The following AP3B1 variants were observed in gnomAD, a reference collection of about 807,000 sequenced individuals.
AP3B1 encodes the protein AP-3 complex subunit beta-1.
In AP3B1, 61 loss-of-function variants were observed where a neutral mutation model predicts 132.5. The ratio of observed to expected loss-of-function variants is 0.46; its 90% CI spans 0.37 to 0.57. The LOEUF (loss-of-function observed/expected upper bound fraction) is 0.57, where lower values mean the gene tolerates loss of function less well. AP3B1 is among the 20% of genes least tolerant of loss of function. The pLI, the probability that AP3B1 is intolerant of heterozygous loss-of-function variation, is 0.00. For missense variants in AP3B1, 1,120 were observed against 1,289.4 expected (o/e 0.87, Z 2.01); for synonymous variants, 388 against 438.3 (o/e 0.89, Z 1.43).
chr5:78,235,956 G>C (rs551049768), intron 3 of AP3B1, among the ~76,000 whole-genome samples: 6 of 152,306 alleles, frequency 3.9e-5, no homozygotes, highest in African/African-American at 1.4e-4. Context: ...TTGCACTTGA[G>C]AGGAGTGAAA....
chr5:78,036,492 G>C (rs573402721), intron 23 of AP3B1, among the ~76,000 whole-genome samples: 2 of 152,092 alleles, frequency 1.3e-5, no homozygotes, highest in Non-Finnish European at 2.9e-5. Context: ...CAGTTGTACA[G>C]TAACTGGTAA....
chr5:78,178,248 C>A (rs182201631), intron 8 of AP3B1, among the ~76,000 whole-genome samples: 329 of 152,274 alleles, frequency 2.2e-3, no homozygotes, highest in African/African-American at 7.3e-3. Flanking sequence ...ACAAATACAT[C>A]TACAGCAGTA....
intron 17 of AP3B1, among the ~76,000 whole-genome samples, chr5:78,124,894 C>G (rs1752395240): frequency 6.6e-6 from 1 of 152,124 alleles, no homozygotes; most frequent in African/African-American, 2.4e-5. Context: ...CTTCTATGCT[C>G]AAACGTGCAT....
intron 1 of AP3B1, among the ~76,000 whole-genome samples, chr5:78,281,134 T>C (rs1749031295): frequency 6.6e-6 from 1 of 152,154 alleles, no homozygotes; most frequent in Non-Finnish European, 1.5e-5. Flanking sequence ...AAGTATGCTA[T>C]CACTTAAAAA....
chr5:78,169,957 C>A (rs1743839405), intron 11 of AP3B1, among the ~76,000 whole-genome samples: 2 of 152,044 alleles, frequency 1.3e-5, no homozygotes, highest in Admixed American at 6.6e-5. Flanking sequence ...GGCCCTGTGT[C>A]CAAGTGTTCT....
Position 78,240,972 on chromosome 5 carries a change from CTA to C in AP3B1, c.205-38_205-37del, listed in dbSNP as rs756908545. On this transcript the variant is annotated intron_variant, in intron 2 of 26. Transcript: ENST00000255194. Reference sequence around the variant, plus strand: ...AACAAAACAGACAATATGGGAAATTCTATATATATTAAATATTTAGAAGATTA... The same window carrying C: ...AACAAAACAGACAATATGGGAAATTCTATATATTAAATATTTAGAAGATTA... The C allele has an allele frequency of 7.2e-6, 10 of 1,392,226 alleles. No homozygotes were observed. The Middle Eastern group carries it at 7.5e-4, about 104-fold the overall frequency. 86.2% of individuals were successfully genotyped at this position (1,392,226 alleles called of 1,614,324 possible).
chr5:78,228,045 CT>C, intron 4 of AP3B1, 98 bp downstream of exon 4: 1 of 755,020 alleles, frequency 1.3e-6, no homozygotes, highest in South Asian at 2.0e-5. Context: ...CAAGACACTA[CT>C]GTGCTATTTA....
chr5:78,138,983 A>AC (rs1347450112), intron 15 of AP3B1, among the ~76,000 whole-genome samples: 7 of 150,634 alleles, frequency 4.6e-5, no homozygotes, highest in African/African-American at 1.2e-4. Flanking sequence ...AAAAAAAAAA[A>AC]AAAAAAACAC....
In AP3B1 at chr5:78,193,770, A is replaced by ATTTTTTTTTTTT. The variant is rs35190275; in HGVS notation, c.787-12109_787-12108insAAAAAAAAAAAA. On this transcript the variant is annotated intron_variant, in intron 7 of 26. Coordinates refer to ENST00000255194, the MANE Select transcript of AP3B1 (RefSeq NM_003664.5). ...TATATATATATATATATATATATAT[A>ATTTTTTTTTTTT]TTTTTTTTTTAGACAGAGTCTCGCT... Among the ~76,000 whole-genome samples, 117 of 67,110 alleles carry ATTTTTTTTTTTT rather than the reference A, an allele frequency of 1.7e-3. 2 individuals are homozygous for ATTTTTTTTTTTT. Among genetic ancestry groups the ATTTTTTTTTTTT allele is most frequent in the African/African-American group, 5.1e-3 (97 of 19,204 alleles). The allele number at this position is 67,110 out of a possible 152,430, so 44.0% of individuals were successfully genotyped here.
intron 21 of AP3B1, among the ~76,000 whole-genome samples, chr5:78,097,763 C>G (rs892136291): frequency 2.6e-5 from 4 of 152,106 alleles, no homozygotes; most frequent in African/African-American, 9.7e-5. Flanking sequence ...CGGCCACCAC[C>G]CCGTCTGGGA....
intron 24 of AP3B1, among the ~76,000 whole-genome samples, chr5:78,022,386 A>C (rs564315794): frequency 3.3e-5 from 5 of 152,186 alleles, no homozygotes; most frequent in Admixed American, 1.3e-4. Context: ...GAGGAGAAAG[A>C]GGGCATTCTA....
intron 7 of AP3B1, among the ~76,000 whole-genome samples, chr5:78,197,960 T>C (rs1167023171): frequency 6.6e-6 from 1 of 152,168 alleles, no homozygotes; most frequent in East Asian, 1.9e-4. Flanking sequence ...AAAGCAGGTA[T>C]TTACTATCTT....
At chr5:78,032,274 T>C (rs1747612715) in intron 24 of AP3B1, among the ~76,000 whole-genome samples, 2 of 152,194 alleles carry the variant, frequency 1.3e-5, no homozygotes, top group African/African-American at 4.8e-5. Flanking sequence ...AGGCTTTTGG[T>C]CCATGTTCCC....
At chr5:78,140,892 A>G (rs1186259848) in intron 15 of AP3B1, among the ~76,000 whole-genome samples, 1 of 152,228 alleles carries the variant, frequency 6.6e-6, no homozygotes, top group African/African-American at 2.4e-5. Context: ...TAATTCGTCT[A>G]GAATTCCACT....
intron 26 of AP3B1, among the ~76,000 whole-genome samples, chr5:78,013,987 C>T (rs1263609171): frequency 1.3e-5 from 2 of 152,106 alleles, no homozygotes; most frequent in African/African-American, 4.8e-5. Flanking sequence ...CACAGTGAAA[C>T]CCCGTCTCTA....
At chr5:78,046,368 G>C (rs1009145371) in intron 22 of AP3B1, among the ~76,000 whole-genome samples, 1 of 152,204 alleles carries the variant, frequency 6.6e-6, no homozygotes. Flanking sequence ...TCTAACGCCT[G>C]CCTGATAATC....
At chr5:78,120,477 A>C (rs1320406221) in intron 17 of AP3B1, among the ~76,000 whole-genome samples, 8 of 152,254 alleles carry the variant, frequency 5.3e-5, no homozygotes, top group Non-Finnish European at 1.2e-4. Context: ...ACATAAACTC[A>C]AAATAAAGGG....
At chr5:78,214,743 G>A (rs1192839041) in intron 7 of AP3B1, among the ~76,000 whole-genome samples, 1 of 152,048 alleles carries the variant, frequency 6.6e-6, no homozygotes, top group Non-Finnish European at 1.5e-5. Context: ...CCTTAATCTA[G>A]CAAAAGTGCC....
chr5:78,217,191 C>T (rs971087404), intron 6 of AP3B1, among the ~76,000 whole-genome samples: 8 of 152,108 alleles, frequency 5.3e-5, no homozygotes, highest in African/African-American at 1.9e-4. Context: ...TGAAATGGTA[C>T]TTTTTGAAAA....
Sources: allele counts gnomAD v4.1 joint callset (sites outside exome capture counted in the v4.1 genomes callset), GRCh38; gene constraint gnomAD v4.1.1; transcripts MANE v1.5; gene names NCBI Gene and HGNC (gene_info 2026-07-23, HGNC 2026-07-21).